POU2F2: variants seen among roughly 807,000 people sequenced by gnomAD.
POU2F2 encodes the protein POU class 2 homeobox 2.
POU2F2 carries 14 observed loss-of-function variants against 63.5 expected under a neutral mutation model. The observed-to-expected ratio is 0.22, with a 90% CI of 0.15 to 0.34. POU2F2 has a LOEUF of 0.34. POU2F2 is among the 10% of genes least tolerant of loss of function. The probability of loss-of-function intolerance (pLI) is 1.00; values close to 1 mark genes in which losing one functional copy is unlikely to be tolerated. For missense variants in POU2F2, 607 were observed against 815.2 expected (o/e 0.74, Z 3.11); for synonymous variants, 306 against 348.6 (o/e 0.88, Z 1.36).
chr19:42,114,383 G>A (rs1301552551), intron 5 of POU2F2, among the ~76,000 whole-genome samples: 22 of 152,148 alleles, frequency 1.4e-4, no homozygotes, highest in Admixed American at 1.4e-3. Flanking sequence ...TGGACTCCTG[G>A]GCTGGGGCTC....
At chr19:42,174,553 G>A (rs979236924) in intron 1 of POU2F2, among the ~76,000 whole-genome samples, 1 of 152,092 alleles carries the variant, frequency 6.6e-6, no homozygotes, top group Non-Finnish European at 1.5e-5. Flanking sequence ...CCCATGATGG[G>A]GACCCCCAGT....
At chr19:42,178,617 G>A (rs550223129), upstream of POU2F2, among the ~76,000 whole-genome samples, 1 of 152,304 alleles carries the variant, frequency 6.6e-6, no homozygotes, top group Non-Finnish European at 1.5e-5. Context: ...GACAGACATT[G>A]ACAGAGACCA....
intron 1 of POU2F2, among the ~76,000 whole-genome samples, chr19:42,170,573 G>A (rs1326170172): frequency 1.3e-5 from 2 of 152,316 alleles, no homozygotes; most frequent in East Asian, 1.9e-4. Context: ...GGGTGGGCAT[G>A]TACACATAGA....
upstream of POU2F2, chr19:42,133,589 A>T (rs953929506): frequency 6.5e-6 from 1 of 154,464 alleles, no homozygotes; most frequent in African/African-American, 2.4e-5. This position sits in a 1 kb window ranked among gnomAD's most constrained non-coding sequence, Gnocchi z 5.1. Context: ...ACTCACCCTC[A>T]CACACACAAG....
At chr19:42,099,895 C>T (rs894796464) in intron 5 of POU2F2, 74 bp from the exon 6 acceptor site, 8 of 1,226,878 alleles carry the variant, frequency 6.5e-6, no homozygotes, top group Non-Finnish European at 9.3e-6. Flanking sequence ...ATCACCTGAA[C>T]CTTGAGGGGC....
At position 42,152,991 on chromosome 19, in the gene POU2F2, G is replaced by A. The variant is rs937313842; in HGVS notation, c.-9+7341C>T. ...CTACGGTGAATGGACACAAAGAACA[G>A]TGGGGCGAACCCTCAGGCCGGCCTG... is the stretch of plus-strand genomic sequence containing the variant. On this transcript the variant is annotated intron_variant, in intron 2 of 6. Coordinates refer to the POU2F2 transcript ENST00000524801. This position sits in a 1 kb window ranked among gnomAD's most constrained non-coding sequence, Gnocchi z 4.1. Among the ~76,000 whole-genome samples the A allele has an allele frequency of 6.6e-6, 1 of 152,186 alleles. No individual in the cohort carries two copies. Among genetic ancestry groups the A allele is most frequent in the African/African-American group, 2.4e-5 (1 of 41,432 alleles).
At chr19:42,093,799 C>G (rs374195703) in intron 12 of POU2F2, 30 bp downstream of exon 12, 1 of 1,584,626 alleles carries the variant, frequency 6.3e-7, no homozygotes. Flanking sequence ...TCCTCCCAGT[C>G]CCCCCTCACC....
chr19:42,155,540 C>G lies in POU2F2; in HGVS notation c.-9+4792G>C, dbSNP rs1273942178. On this transcript the variant is annotated intron_variant, in intron 2 of 6. Coordinates refer to the POU2F2 transcript ENST00000524801. This position sits in a 1 kb window ranked among gnomAD's most constrained non-coding sequence, Gnocchi z 4.2. The stretch of plus-strand genomic sequence containing the variant: ...GTCCCAGCTACATAGGAGACTGAGG[C>G]AGGAGGATTGCTTGAAAGTTTGAGA... Among the ~76,000 whole-genome samples the G allele has an allele frequency of 2.6e-5, 4 of 152,240 alleles. No homozygotes were observed. The East Asian group carries it at 7.7e-4, about 29-fold the overall frequency.
intron 1 of POU2F2, among the ~76,000 whole-genome samples, chr19:42,170,191 CT>C (rs1568422562): frequency 6.6e-6 from 1 of 152,106 alleles, no homozygotes; most frequent in African/African-American, 2.4e-5. Context: ...AGATGCCCCC[CT>C]CATCCTGGTC....
In POU2F2 at chr19:42,113,183, T is replaced by A. The variant is rs940765665; in HGVS notation, c.369+4067A>T. The stretch of plus-strand genomic sequence containing the variant: ...TGGTCCTATTAGGAAAATAGGAAAT[T>A]TTCCCCCCTACTCTCCAATATAAAA... On this transcript the variant is annotated intron_variant, in intron 5 of 14. Transcript: ENST00000692977. Among the ~76,000 whole-genome samples, 43 of 152,114 alleles carry A rather than the reference T, an allele frequency of 2.8e-4. 2 individuals carry two copies. The highest frequency in any genetic ancestry group is 2.8e-3 in the Admixed American group (42 of 15,270).
intron 2 of POU2F2, among the ~76,000 whole-genome samples, chr19:42,146,743 A>G (rs190492377): frequency 1.5e-4 from 23 of 152,360 alleles, no homozygotes; most frequent in Non-Finnish European, 2.8e-4. Flanking sequence ...CACATGGAGA[A>G]CATTAAATAT....
At chr19:42,101,795 G>A (rs1176322232) in intron 5 of POU2F2, among the ~76,000 whole-genome samples, 1 of 151,912 alleles carries the variant, frequency 6.6e-6, no homozygotes, top group Non-Finnish European at 1.5e-5. Context: ...GGCCAACATA[G>A]TGGAACCCCG....
At chr19:42,185,237 C>T (rs765778371) in intron 1 of POU2F2, among the ~76,000 whole-genome samples, 1 of 152,150 alleles carries the variant, frequency 6.6e-6, no homozygotes, top group East Asian at 1.9e-4. Context: ...CTCTTCCCTG[C>T]TCCCAGTGTC....
chr19:42,120,958 A>G (rs1036090908), intron 4 of POU2F2, among the ~76,000 whole-genome samples: 2 of 152,180 alleles, frequency 1.3e-5, no homozygotes, highest in African/African-American at 4.8e-5. Context: ...CTGACACAGA[A>G]GAGATGGAGA....
Position 42,089,239 on chromosome 19 carries a change from G to A in POU2F2, c.*2018C>T. 6.6e-6 allele frequency: 1 copy of A among 152,636 alleles called. No individual in the cohort carries two copies. 9.5% of individuals were successfully genotyped at this position (152,636 alleles called of 1,614,324 possible). Reference sequence around the variant, plus strand: ...AGAGCAAAGGGAGAGAGAGGAGACAGGAAGGAGGAGAGGAGAGAGGAAGGA... The same window carrying A: ...AGAGCAAAGGGAGAGAGAGGAGACAAGAAGGAGGAGAGGAGAGAGGAAGGA... On this transcript the variant is annotated 3_prime_UTR_variant, in exon 15 of 15. Coordinates refer to ENST00000692977, the MANE Select transcript of POU2F2 (RefSeq NM_001394376.1).
Position 42,122,586 on chromosome 19 carries a change from G to A in POU2F2, c.29-10C>T. The A allele has an allele frequency of 1.3e-6, 2 of 1,563,356 alleles. No homozygotes were observed. The highest frequency in any genetic ancestry group is 1.7e-6 in the Non-Finnish European group (2 of 1,153,690). On this transcript the variant is annotated splice_polypyrimidine_tract_variant and intron_variant, in intron 1 of 14. Coordinates refer to ENST00000692977, the MANE Select transcript of POU2F2 (RefSeq NM_001394376.1). Reference sequence around the variant, plus strand: ...TTAGACATTCTTATTTCTGGGGACAGAGGAGGAATGGAAGTGGGGTGAAGG... The same window carrying A: ...TTAGACATTCTTATTTCTGGGGACAAAGGAGGAATGGAAGTGGGGTGAAGG...
rs1484118959 is a variant in POU2F2, at chr19:42,092,293, T to A, written c.1265-23A>T. On this transcript the variant is annotated intron_variant, in intron 12 of 14. Coordinates refer to ENST00000692977, the MANE Select transcript of POU2F2 (RefSeq NM_001394376.1). The surrounding 1 kb of genome is among the most constrained non-coding windows in gnomAD (Gnocchi z 5.0). Reference sequence around the variant, plus strand: ...TAACTGCCAGAGAGAGACAGAAAGATGGGGTCTTCAGCTTCCACTCGTCCC... The same window carrying A: ...TAACTGCCAGAGAGAGACAGAAAGAAGGGGTCTTCAGCTTCCACTCGTCCC... 1 of 1,520,830 alleles carries A rather than the reference T, an allele frequency of 6.6e-7. No individual in the cohort carries two copies. Among genetic ancestry groups the A allele is most frequent in the Admixed American group, 2.0e-5 (1 of 50,906 alleles). 94.2% of individuals were successfully genotyped at this position (1,520,830 alleles called of 1,614,324 possible).
chr19:42,151,290 G>C (rs1331035667), intron 2 of POU2F2, among the ~76,000 whole-genome samples: 1 of 151,788 alleles, frequency 6.6e-6, no homozygotes, highest in South Asian at 2.1e-4. Context: ...GAGAGGGGCT[G>C]TGGGGATGGC....
At chr19:42,151,506 G>A (rs571791603) in intron 2 of POU2F2, among the ~76,000 whole-genome samples, 1 of 152,280 alleles carries the variant, frequency 6.6e-6, no homozygotes, top group African/African-American at 2.4e-5. Context: ...AGGGGCAACA[G>A]GCACCCCTCT....
Sources: allele counts gnomAD v4.1 joint callset (sites outside exome capture counted in the v4.1 genomes callset), GRCh38; gene constraint gnomAD v4.1.1; non-coding constraint Gnocchi (gnomAD v3.1); transcripts MANE v1.5; gene names NCBI Gene and HGNC (gene_info 2026-07-23, HGNC 2026-07-21).